CPAMD8: variants seen among roughly 807,000 people sequenced by gnomAD.
CPAMD8 encodes C3 and PZP-like alpha-2-macroglobulin domain-containing protein 8.
In CPAMD8, 146 loss-of-function variants were observed where a neutral mutation model predicts 224.7. That is an observed-to-expected ratio of 0.65 (90% CI 0.57 to 0.75). The LOEUF (loss-of-function observed/expected upper bound fraction) is 0.75, where lower values mean the gene tolerates loss of function less well. CPAMD8 is among the 30% of genes least tolerant of loss of function. CPAMD8 has a pLI of 0.00. For synonymous variants in CPAMD8, 966 were observed against 1,044.6 expected (o/e 0.92, Z 1.45); for missense variants, 2,301 against 2,537.5 (o/e 0.91, Z 2.00).
intron 3 of CPAMD8, among the ~76,000 whole-genome samples, chr19:17,018,007 T>C (rs923299556): frequency 1.0e-3 from 152 of 145,744 alleles, no homozygotes; most frequent in Admixed American, 6.3e-4. Context: ...CACTCCAGCC[T>C]GGGAGAAAAA....
At chr19:16,958,956 C>T (rs2054561959) in intron 18 of CPAMD8, among the ~76,000 whole-genome samples, 1 of 151,680 alleles carries the variant, frequency 6.6e-6, no homozygotes, top group South Asian at 2.1e-4. Flanking sequence ...CCTGCCACTA[C>T]ACCCAGCTAA....
At chr19:17,001,320 GAAAAAAAAAAAA>G (rs1170361586) in intron 9 of CPAMD8, among the ~76,000 whole-genome samples, 1 of 42,470 alleles carries the variant, frequency 2.4e-5, no homozygotes, top group African/African-American at 1.0e-4. Flanking sequence ...GACTCCGTCT[GAAAAAAAAAAAA>G]AAAAAAAAAA....
At position 16,914,831 on chromosome 19, in the gene CPAMD8, G is replaced by A. The variant is rs1346242332; in HGVS notation, c.3630-18C>T. Reference sequence around the variant, plus strand: ...CTGTGAGCCTGAAAGAGGACAGGGTGTCAGCTGAGGGGTTGCAGAATGGTC... The same window carrying A: ...CTGTGAGCCTGAAAGAGGACAGGGTATCAGCTGAGGGGTTGCAGAATGGTC... On this transcript the variant is annotated intron_variant, in intron 27 of 41. Transcript: ENST00000443236. 1 of 1,579,570 alleles carries A rather than the reference G, an allele frequency of 6.3e-7. No homozygotes were observed. The highest frequency in any genetic ancestry group is 8.6e-7 in the Non-Finnish European group (1 of 1,159,160).
intron 23 of CPAMD8, among the ~76,000 whole-genome samples, chr19:16,936,338 T>C (rs924100519): frequency 1.3e-5 from 2 of 152,204 alleles, no homozygotes; most frequent in Non-Finnish European, 2.9e-5. Context: ...TATGTGCAAT[T>C]TGCCATCTGT....
chr19:16,993,893 A>T (rs2056041444), intron 11 of CPAMD8, among the ~76,000 whole-genome samples: 1 of 152,154 alleles, frequency 6.6e-6, no homozygotes, highest in Non-Finnish European at 1.5e-5. Flanking sequence ...ATCCCATGTG[A>T]GGCCAGGAGT....
chr19:16,946,617 GGTGT>G (rs1178792383), intron 21 of CPAMD8, among the ~76,000 whole-genome samples: 2 of 128,774 alleles, frequency 1.6e-5, no homozygotes, highest in African/African-American at 3.0e-5. Context: ...GTGGATTTGT[GGTGT>G]GTGTATGCAT....
chr19:16,987,179 AATATATATATATATATAT>A (rs775029154), intron 13 of CPAMD8, among the ~76,000 whole-genome samples: 1 of 53,908 alleles, frequency 1.9e-5, no homozygotes. Context: ...AAAAAAAAAA[AATATATATATATATATAT>A]ATATATATAT....
intron 23 of CPAMD8, among the ~76,000 whole-genome samples, chr19:16,936,154 C>A (rs2053676794): frequency 6.6e-6 from 1 of 151,930 alleles, no homozygotes; most frequent in African/African-American, 2.4e-5. Flanking sequence ...TCTTGAACTC[C>A]TGGACTCAAG....
intron 18 of CPAMD8, among the ~76,000 whole-genome samples, chr19:16,958,263 C>T (rs1319219408): frequency 6.6e-6 from 1 of 152,124 alleles, no homozygotes; most frequent in Non-Finnish European, 1.5e-5. Context: ...ATTTCTGATC[C>T]TCTCTGTCTT....
intron 18 of CPAMD8, among the ~76,000 whole-genome samples, chr19:16,965,621 G>T (rs1224854527): frequency 6.6e-6 from 1 of 152,156 alleles, no homozygotes; most frequent in Non-Finnish European, 1.5e-5. Flanking sequence ...ACCTCCTTCA[G>T]CTGATATGCA....
intron 36 of CPAMD8, 80 bp downstream of exon 36, chr19:16,901,130 G>C (rs2052238783): frequency 1.1e-6 from 1 of 924,804 alleles, no homozygotes; most frequent in African/African-American, 1.7e-5. Context: ...TGGACTGCCA[G>C]CCAGCCTGAC....
Position 16,977,557 on chromosome 19 carries a change from TAG to T in CPAMD8, c.1586-19_1586-18del. The T allele has an allele frequency of 6.4e-7, 1 of 1,560,280 alleles. No individual in the cohort carries two copies. The highest frequency in any genetic ancestry group is 8.6e-7 in the Non-Finnish European group (1 of 1,160,552). ...GTGGGGGCTCTGAGGTGAGCAAAAG[TAG>T]AGAGAGGTGGTGAATTCTCCGCATC... On this transcript the variant is annotated intron_variant, in intron 14 of 41. Coordinates refer to ENST00000443236, the MANE Select transcript of CPAMD8 (RefSeq NM_015692.5).
At chr19:16,896,015 A>G (rs1273702436) in intron 41 of CPAMD8, 161 bp downstream of exon 41, 1 of 796,752 alleles carries the variant, frequency 1.3e-6, no homozygotes, top group South Asian at 1.4e-5. Flanking sequence ...CTTTGTCCCC[A>G]GGAACTCTGA....
At chr19:17,007,022 G>A (rs2056510299) in intron 7 of CPAMD8, among the ~76,000 whole-genome samples, 1 of 152,136 alleles carries the variant, frequency 6.6e-6, no homozygotes, top group Admixed American at 6.6e-5. Context: ...AGGCAGACAG[G>A]GAAGATGGAA....
intron 3 of CPAMD8, among the ~76,000 whole-genome samples, chr19:17,017,561 T>C (rs1436708269): frequency 3.9e-5 from 6 of 152,182 alleles, no homozygotes; most frequent in Non-Finnish European, 7.4e-5. Context: ...CATTGTAAGA[T>C]GTTGAGTTGC....
chr19:16,923,774 G>A (rs2053259026), intron 26 of CPAMD8, among the ~76,000 whole-genome samples: 1 of 152,090 alleles, frequency 6.6e-6, no homozygotes, highest in Admixed American at 6.6e-5. Flanking sequence ...GACCAGCCTG[G>A]ACAACATAGC....
chr19:17,015,795 C>T (rs551809288), intron 3 of CPAMD8, among the ~76,000 whole-genome samples: 1 of 152,080 alleles, frequency 6.6e-6, no homozygotes, highest in African/African-American at 2.4e-5. Flanking sequence ...TGCTGAGGAC[C>T]GTATGCTGGA....
chr19:16,939,250 C>A (rs893353779), intron 22 of CPAMD8, among the ~76,000 whole-genome samples: 3 of 151,914 alleles, frequency 2.0e-5, no homozygotes, highest in Admixed American at 2.0e-4. Flanking sequence ...GTCGCCCAGG[C>A]TGGAGTGCAG....
chr19:17,011,388 G>A (rs538174116), intron 5 of CPAMD8, 76 bp downstream of exon 5: 25 of 1,487,864 alleles, frequency 1.7e-5, no homozygotes, highest in East Asian at 1.4e-4. Flanking sequence ...AGAAAGACCC[G>A]TTTCCGATGG....
Sources: allele counts gnomAD v4.1 joint callset (sites outside exome capture counted in the v4.1 genomes callset), GRCh38; gene constraint gnomAD v4.1.1; transcripts MANE v1.5; gene names NCBI Gene and HGNC (gene_info 2026-07-23, HGNC 2026-07-21).